Variants in ASH1L observed in about 807,000 individuals in gnomAD.
The protein encoded by ASH1L is ASH1 like histone lysine methyltransferase.
ASH1L carries 23 observed loss-of-function variants against 269.0 expected under a neutral mutation model. The ratio of observed to expected loss-of-function variants is 0.09; its 90% CI spans 0.06 to 0.12. The LOEUF (loss-of-function observed/expected upper bound fraction) is 0.12. Among genes scored for constraint, ASH1L ranks in the 10% least tolerant of loss-of-function variants. ASH1L has a pLI of 1.00. For synonymous variants in ASH1L, 1,187 were observed against 1,253.5 expected (o/e 0.95, Z 1.12); for missense variants, 2,912 against 3,567.8 (o/e 0.82, Z 4.68).
chr1:155,384,724 GATT>G (rs1450238752), intron 7 of ASH1L, among the ~76,000 whole-genome samples: 3 of 152,068 alleles, frequency 2.0e-5, no homozygotes, highest in African/African-American at 7.2e-5. Context: ...ACTGAAATGT[GATT>G]ATGTGTCTCG....
chr1:155,422,303 A>ATTTT (rs757564991), intron 5 of ASH1L, among the ~76,000 whole-genome samples: 8 of 120,924 alleles, frequency 6.6e-5, no homozygotes, highest in Non-Finnish European at 1.0e-4. Flanking sequence ...CGCCCAGCTA[A>ATTTT]TTTTTTTTTT....
intron 6 of ASH1L, among the ~76,000 whole-genome samples, chr1:155,407,543 T>G (rs1659397405): frequency 6.6e-6 from 1 of 152,130 alleles, no homozygotes; most frequent in Admixed American, 6.6e-5. Context: ...CTAGACTGGT[T>G]AGATAGACTA....
intron 4 of ASH1L, among the ~76,000 whole-genome samples, chr1:155,451,398 A>C (rs1417862196): frequency 2.0e-5 from 3 of 152,142 alleles, no homozygotes; most frequent in African/African-American, 4.8e-5. Context: ...AGATGAAAAA[A>C]GTTACGGAGA....
chr1:155,375,826 C>A (rs1181160427), intron 10 of ASH1L, among the ~76,000 whole-genome samples: 2 of 150,024 alleles, frequency 1.3e-5, no homozygotes, highest in African/African-American at 4.9e-5. Context: ...ATGAGACAGT[C>A]GCACCCCAGC....
intron 1 of ASH1L, among the ~76,000 whole-genome samples, chr1:155,524,922 ATG>A (rs1261413080): frequency 6.6e-6 from 1 of 152,150 alleles, no homozygotes; most frequent in East Asian, 1.9e-4. Context: ...AATAACCCAA[ATG>A]TTTTTTTAAA....
chr1:155,411,567 G>T (rs1478270514), intron 6 of ASH1L, among the ~76,000 whole-genome samples: 1 of 70,720 alleles, frequency 1.4e-5, no homozygotes. Flanking sequence ...ATATAAATAT[G>T]AATATAAATA....
intron 1 of ASH1L, among the ~76,000 whole-genome samples, chr1:155,530,886 C>T (rs1027116337): frequency 3.3e-5 from 5 of 152,022 alleles, no homozygotes; most frequent in Admixed American, 6.6e-5. Context: ...TACTCTAGCC[C>T]GGGCAATCAA....
At chr1:155,439,294 A>G (rs1662354769) in intron 4 of ASH1L, among the ~76,000 whole-genome samples, 1 of 152,190 alleles carries the variant, frequency 6.6e-6, no homozygotes, top group African/African-American at 2.4e-5. Context: ...AACAACTCTC[A>G]CTTTGAGGTA....
Position 155,480,940 on chromosome 1 carries a change from G to GAATATCTAT in ASH1L, c.1921_1929dup (p.Ile641_Ile643dup), listed in dbSNP as rs1665912328. ...TTTCCAAGGGAAGAGCTTATTCTTGGAATATCTATATGGGTAGTTTTTGAA... is the reference window on the plus strand; with the variant it reads ...TTTCCAAGGGAAGAGCTTATTCTTGGAATATCTATAATATCTATATGGGTAGTTTTTGAA... On this transcript the variant is annotated inframe_insertion, in exon 3 of 28. Coordinates refer to ENST00000392403, the MANE Select transcript of ASH1L (RefSeq NM_018489.3). 6.2e-7 allele frequency: 1 copy of GAATATCTAT among 1,613,802 alleles called. No individual in the cohort carries two copies. The highest frequency in any genetic ancestry group is 1.1e-5 in the South Asian group (1 of 91,052).
At chr1:155,433,860 T>G (rs750598806) in intron 5 of ASH1L, 1 of 1,605,516 alleles carries the variant, frequency 6.2e-7, no homozygotes, top group African/African-American at 1.3e-5. Context: ...GAAACCCTCT[T>G]GCAGGCTCGA....
At chr1:155,355,316 G>T (rs553746723) in intron 15 of ASH1L, among the ~76,000 whole-genome samples, 1 of 152,260 alleles carries the variant, frequency 6.6e-6, no homozygotes, top group African/African-American at 2.4e-5. Context: ...CTCCCAAAGT[G>T]CTGGGATTAC....
chr1:155,536,943 G>T (rs1362542444), intron 1 of ASH1L, among the ~76,000 whole-genome samples: 3 of 151,716 alleles, frequency 2.0e-5, no homozygotes, highest in Non-Finnish European at 4.4e-5. Context: ...TACTTGGGAG[G>T]CTGAGACAGG....
intron 1 of ASH1L, among the ~76,000 whole-genome samples, chr1:155,547,436 A>G (rs1670905305): frequency 6.6e-6 from 1 of 152,090 alleles, no homozygotes; most frequent in South Asian, 2.1e-4. Context: ...ACAGAATACT[A>G]TGTAGCCATA....
intron 12 of ASH1L, among the ~76,000 whole-genome samples, chr1:155,366,370 C>A (rs1247191318): frequency 2.6e-5 from 4 of 152,144 alleles, no homozygotes; most frequent in African/African-American, 9.7e-5. Flanking sequence ...TAATCCAACC[C>A]GTGTTTAGCA....
intron 5 of ASH1L, among the ~76,000 whole-genome samples, chr1:155,421,321 T>TG (rs1395921632): frequency 3.4e-5 from 5 of 145,200 alleles, no homozygotes; most frequent in South Asian, 2.2e-4. Context: ...CCAACAGTTT[T>TG]TTTTTTTTTT....
At chr1:155,360,075 A>G (rs1469693780) in intron 13 of ASH1L, among the ~76,000 whole-genome samples, 3 of 151,964 alleles carry the variant, frequency 2.0e-5, no homozygotes, top group Non-Finnish European at 4.4e-5. Context: ...TATTTTTGAT[A>G]GACAGGGTTT....
intron 13 of ASH1L, among the ~76,000 whole-genome samples, chr1:155,359,307 G>T (rs1476997143): frequency 6.6e-6 from 1 of 151,950 alleles, no homozygotes; most frequent in Non-Finnish European, 1.5e-5. Context: ...TTTTTGAGCT[G>T]AAGTCTCGCT....
chr1:155,389,877 CT>C (rs1018913896), intron 7 of ASH1L, among the ~76,000 whole-genome samples: 1,905 of 118,424 alleles, frequency 0.016, 34 homozygotes, highest in African/African-American at 0.052. Flanking sequence ...CTACCAGTAG[CT>C]TTTTTTTTTT....
At chr1:155,392,084 C>A (rs1657979488) in intron 7 of ASH1L, among the ~76,000 whole-genome samples, 1 of 152,186 alleles carries the variant, frequency 6.6e-6, no homozygotes, top group African/African-American at 2.4e-5. Context: ...GGGTAGGCAG[C>A]AGCTGAAATC....
Sources: allele counts gnomAD v4.1 joint callset (sites outside exome capture counted in the v4.1 genomes callset), GRCh38; gene constraint gnomAD v4.1.1; transcripts MANE v1.5; gene names NCBI Gene and HGNC (gene_info 2026-07-23, HGNC 2026-07-21).